Variants in IFI27L2 observed in about 807,000 individuals in gnomAD.
IFI27L2 encodes interferon alpha-inducible protein 27-like protein 2.
Under a neutral mutation model 7.9 loss-of-function variants are expected in IFI27L2, and 8 were observed. The observed-to-expected ratio is 1.02, with a 90% CI of 0.60 to 1.84. The LOEUF is 1.84. Among genes scored for constraint, IFI27L2 ranks in the 40% most tolerant of loss-of-function variants. The pLI is 0.00. For synonymous variants in IFI27L2, 56 were observed against 66.5 expected, an observed-to-expected ratio of 0.84 and a Z score of 0.77; for missense variants, 190 against 165.8, an observed-to-expected ratio of 1.15 and a Z score of -0.80.
At chr14:94,128,321 C>T (rs1221777127) in intron 3 of IFI27L2, 193 bp downstream of exon 3, 1 of 612,694 alleles carries the variant, frequency 1.6e-6, no homozygotes, top group Non-Finnish European at 2.9e-6. Flanking sequence ...TCTCCCTACC[C>T]AGCACCCCAT....
intron 2 of IFI27L2, 60 bp from the exon 3 acceptor site, chr14:94,128,735 G>A (rs181639160): frequency 2.2e-4 from 311 of 1,392,270 alleles, no homozygotes; most frequent in East Asian, 1.5e-4. Context: ...CCTTCCCCCC[G>A]CCCCCCGCTT....
intron 2 of IFI27L2, chr14:94,129,022 CCT>C (rs1056680857): frequency 1.1e-5 from 6 of 570,776 alleles, no homozygotes; most frequent in Non-Finnish European, 1.9e-5. Context: ...AGCTGCAAAT[CCT>C]CTTTCAAACG....
chr14:94,129,330 G>A, intron 1 of IFI27L2, 39 bp from the exon 2 acceptor site: 1 of 1,298,354 alleles, frequency 7.7e-7, no homozygotes, highest in Non-Finnish European at 1.0e-6. Flanking sequence ...AGGGAGATGG[G>A]AAAGGGGAGA....
In IFI27L2 at chr14:94,128,682, G is replaced by C. The variant is rs201677739; in HGVS notation, c.38-7C>G. On this transcript the variant is annotated splice_region_variant and splice_polypyrimidine_tract_variant and intron_variant, in intron 2 of 3. Transcript: ENST00000238609. ...ACAGCCCCCACTGCCAGGGCTGTGG[G>C]GAGAGAGAAGCTGAGTGCAGAGGTG... The C allele has an allele frequency of 6.9e-5, 111 of 1,607,360 alleles. No homozygotes were observed. In the East Asian group the frequency reaches 2.5e-3, roughly 36 times the overall value.
chr14:94,128,945 T>TTGTGTGTGTGTGTGTGTG (rs60745025), intron 2 of IFI27L2: 1 of 464,172 alleles, frequency 2.2e-6, no homozygotes, highest in African/African-American at 2.0e-5. Context: ...GGTCTCAAAT[T>TTGTGTGTGTGTGTGTGTG]TGTGTGTGTG....
chr14:94,128,710 C>T, intron 2 of IFI27L2, 35 bp from the exon 3 acceptor site: 1 of 1,576,362 alleles, frequency 6.3e-7, no homozygotes, highest in Non-Finnish European at 8.6e-7. Context: ...CAGAGGTGGG[C>T]TCAGGAGAAG....
At position 94,128,648 on chromosome 14, in the gene IFI27L2, A is replaced by C; in HGVS notation, c.65T>G (p.Val22Gly). Residue 22 changes from valine (V) to glycine (G), a missense_variant, in exon 3 of 4, where the codon GTG (valine) becomes GGG (glycine). Coordinates refer to ENST00000238609, the MANE Select transcript of IFI27L2 (RefSeq NM_032036.3). ...CCCAGTGAAGCCCATGGCACTGAGC[A>C]CCACGGGCACAGCCCCCACTGCCAG... Reference protein sequence around the residue: ...GALAVGAVPVVLSAMGFTGAG... With the variant: ...GALAVGAVPVGLSAMGFTGAG... The C allele has an allele frequency of 6.2e-7, 1 of 1,613,516 alleles. No homozygotes were observed. The highest frequency in any genetic ancestry group is 8.5e-7 in the Non-Finnish European group (1 of 1,179,688).
Position 94,128,669 on chromosome 14 carries a change from G to T in IFI27L2, c.44C>A (p.Ala15Glu), listed in dbSNP as rs1567084750. Residue 15 changes from alanine (A) to glutamate (E), a missense_variant, in exon 3 of 4, where the codon GCA becomes GAA. Ala to Glu is a moderately radical substitution (Grantham distance 107). Transcript: ENST00000238609. ...GAGCACCACGGGCACAGCCCCCACT[G>T]CCAGGGCTGTGGGGAGAGAGAAGCT... ...AAAAAVGGAL[A>E]VGAVPVVLSA... 1 of 1,611,544 alleles carries T rather than the reference G, an allele frequency of 6.2e-7. No homozygotes were observed. Among genetic ancestry groups the T allele is most frequent in the South Asian group, 1.1e-5 (1 of 90,744 alleles).
intron 1 of IFI27L2, 36 bp from the exon 2 acceptor site, chr14:94,129,327 TG>T: frequency 5.5e-6 from 8 of 1,459,532 alleles, no homozygotes; most frequent in Non-Finnish European, 7.3e-6. Context: ...CAGAGGGAGA[TG>T]GGAAAGGGGA....
At chr14:94,128,204 C>T (rs1431398057) in intron 3 of IFI27L2, among the ~76,000 whole-genome samples, 1 of 152,170 alleles carries the variant, frequency 6.6e-6, no homozygotes, top group Non-Finnish European at 1.5e-5. Flanking sequence ...CAGAGCCCCT[C>T]ACTTTACACA....
intron 3 of IFI27L2, 58 bp from the exon 4 acceptor site, chr14:94,128,050 C>T (rs959889980): frequency 1.3e-5 from 15 of 1,196,592 alleles, no homozygotes; most frequent in East Asian, 4.7e-5. Context: ...AAATCCCACC[C>T]GGATCCCTCC....
In IFI27L2 at chr14:94,128,671, C is replaced by T; in HGVS notation, c.42G>A (p.Leu14=). 1.2e-6 allele frequency: 2 copies of T among 1,611,248 alleles called. No homozygotes were observed. The highest frequency in any genetic ancestry group is 1.7e-6 in the Non-Finnish European group (2 of 1,178,732). ...RAAAAAVGGA[L]AVGAVPVVLS... is the part of the protein sequence containing the mutation. ...GCACCACGGGCACAGCCCCCACTGC[C>T]AGGGCTGTGGGGAGAGAGAAGCTGA... The change falls in exon 3 of 4, where the codon CTG becomes CTA. Residue 14 remains leucine (L), a synonymous_variant. Transcript: ENST00000238609.
At position 94,129,153 on chromosome 14, in the gene IFI27L2, T is replaced by C. The variant is rs569005816; in HGVS notation, c.37+109A>G. 52 of 823,304 alleles carry C rather than the reference T, an allele frequency of 6.3e-5. No homozygotes were observed. In the South Asian group the frequency reaches 7.3e-4, roughly 12 times the overall value. The allele number at this position is 823,304 out of a possible 1,614,324, so 51.0% of individuals were successfully genotyped here. On this transcript the variant is annotated intron_variant, in intron 2 of 3. Transcript: ENST00000238609. ...GCTCACTCAGGCTACTCGGGCAGCT[T>C]CGGAAGTGGAGGGTGAGAGCCAGCC...
At position 94,129,582 on chromosome 14, in the gene IFI27L2, C is replaced by T; in HGVS notation, c.-18G>A. On this transcript the variant is annotated 5_prime_UTR_variant, in exon 1 of 4. Transcript: ENST00000238609. ...CTCATCATGGTGAGGCCGTCCGGGTCCCAACTTGGCCCAGGAAATGACAGC... is the reference window on the plus strand; with the variant it reads ...CTCATCATGGTGAGGCCGTCCGGGTTCCAACTTGGCCCAGGAAATGACAGC... 1.2e-6 allele frequency: 2 copies of T among 1,613,576 alleles called. No homozygotes were observed. The highest frequency in any genetic ancestry group is 1.1e-5 in the South Asian group (1 of 91,056).
rs940382690 is a variant in IFI27L2 at position 94,127,896 on chromosome 14, G to A, written c.296C>T (p.Pro99Leu). The stretch of plus-strand genomic sequence containing the variant: ...ATCTTCTTTAGCCTCGGGTTCAGCT[G>A]GGAGAGAAGAAGAAGGTGAATTCCC... ...CLGNSPSSSL[P>L]AEPEAKEDEA... Residue 99 changes from proline to leucine, a missense_variant, in exon 4 of 4, where the codon CCA becomes CTA. Physicochemically the swap from Pro to Leu is moderately conservative, Grantham distance 98 (BLOSUM62 -3). Coordinates refer to ENST00000238609, the MANE Select transcript of IFI27L2 (RefSeq NM_032036.3). The A allele has an allele frequency of 6.2e-7, 1 of 1,613,704 alleles. No homozygotes were observed. Among genetic ancestry groups the A allele is most frequent in the Non-Finnish European group, 8.5e-7 (1 of 1,179,620 alleles).
intron 2 of IFI27L2, chr14:94,128,945 TTG>T (rs60745025): frequency 0.15 from 74,266 of 479,898 alleles, 112 homozygotes; most frequent in East Asian, 0.24. Flanking sequence ...GGTCTCAAAT[TTG>T]TGTGTGTGTG....
Position 94,127,822 on chromosome 14 carries a change from T to A in IFI27L2, c.370A>T (p.Lys124Ter). The change falls in exon 4 of 4, where the codon AAG becomes TAG. Residue 124 changes from lysine (K) to a stop codon, truncating the protein, a stop_gained. Coordinates refer to ENST00000238609, the MANE Select transcript of IFI27L2 (RefSeq NM_032036.3). LOFTEE classifies it high-confidence loss of function. ...PQGEPPKPPL[K>*]SEKHEE is the part of the protein sequence containing the mutation. Reference sequence around the variant, plus strand: ...CTTTATTCCTCATGTTTCTCTGACTTGAGTGGGGGTTTTGGAGGTTCACCT... The same window carrying A: ...CTTTATTCCTCATGTTTCTCTGACTAGAGTGGGGGTTTTGGAGGTTCACCT... 6.2e-7 allele frequency: 1 copy of A among 1,614,014 alleles called. No individual in the cohort carries two copies. Among genetic ancestry groups the A allele is most frequent in the Non-Finnish European group, 8.5e-7 (1 of 1,179,904 alleles).
In IFI27L2 at chr14:94,127,885, C is replaced by T. The variant is rs113306298; in HGVS notation, c.307G>A (p.Glu103Lys). Residue 103 changes from glutamate (E) to lysine (K), a missense_variant, in exon 4 of 4, where the codon GAG (glutamate) becomes AAG (lysine). Transcript: ENST00000238609. ...TCTCTTGCCTCATCTTCTTTAGCCT[C>T]GGGTTCAGCTGGGAGAGAAGAAGAA... ...SPSSSLPAEP[E>K]AKEDEARENV... is the part of the protein sequence containing the mutation. The T allele has an allele frequency of 9.3e-6, 15 of 1,613,958 alleles. No homozygotes were observed. Among genetic ancestry groups the T allele is most frequent in the South Asian group, 3.3e-5 (3 of 91,084 alleles).
At chr14:94,129,390 G>A in intron 1 of IFI27L2, 99 bp from the exon 2 acceptor site, 3 of 1,072,584 alleles carry the variant, frequency 2.8e-6, no homozygotes, top group Non-Finnish European at 4.3e-6. Flanking sequence ...GAAGCAAGGA[G>A]CGGAGGGAGG....
Sources: gnomAD v4.1 joint callset for allele counts (sites outside exome capture counted in the v4.1 genomes callset) on GRCh38, gnomAD v4.1.1 for gene constraint, MANE v1.5 for transcripts, NCBI Gene and HGNC (gene_info 2026-07-23, HGNC 2026-07-21) for gene names.